Variants in RBFOX1 observed in about 807,000 individuals in gnomAD.
The protein encoded by RBFOX1 is RNA binding protein fox-1 homolog 1.
RBFOX1 carries 8 observed loss-of-function variants against 57.7 expected under a neutral mutation model. The observed-to-expected ratio is 0.14, with a 90% CI of 0.08 to 0.25. RBFOX1 has a LOEUF of 0.25. RBFOX1 is among the 10% of genes least tolerant of loss of function. The pLI is 1.00. For synonymous variants in RBFOX1, 326 were observed against 222.4 expected (o/e 1.47, Z -4.15); for missense variants, 611 against 548.5 (o/e 1.11, Z -1.14).
intron 4 of RBFOX1, among the ~76,000 whole-genome samples, chr16:7,067,248 G>T (rs550677621): frequency 9.9e-5 from 15 of 152,130 alleles, no homozygotes; most frequent in Admixed American, 4.6e-4. Context: ...TATTAGTTCA[G>T]AGTTGGTACT....
At chr16:6,032,391 A>G (rs936272440) in intron 1 of RBFOX1, among the ~76,000 whole-genome samples, 1 of 151,952 alleles carries the variant, frequency 6.6e-6, no homozygotes, top group Non-Finnish European at 1.5e-5. Context: ...AAAAAAATAT[A>G]CAATTATTCA....
intron 4 of RBFOX1, among the ~76,000 whole-genome samples, chr16:7,261,136 A>C (rs574788300): frequency 6.6e-6 from 1 of 150,662 alleles, no homozygotes; most frequent in African/African-American, 2.5e-5. Flanking sequence ...ACACATATCC[A>C]AAGAGCCAAC....
chr16:7,653,988 C>G, intron 12 of RBFOX1, 41 bp downstream of exon 12: 1 of 1,450,680 alleles, frequency 6.9e-7, no homozygotes, highest in Non-Finnish European at 9.0e-7. Context: ...CCTGCACCAG[C>G]CCTCCCTCCC....
At chr16:6,385,577 C>G (rs1222959584) in intron 2 of RBFOX1, among the ~76,000 whole-genome samples, 1 of 152,210 alleles carries the variant, frequency 6.6e-6, no homozygotes, top group South Asian at 2.1e-4. Context: ...CCAGGCTGGT[C>G]TCAAACTCCT....
chr16:7,036,423 C>T (rs2044443560), intron 3 of RBFOX1, among the ~76,000 whole-genome samples: 1 of 152,000 alleles, frequency 6.6e-6, no homozygotes, highest in Non-Finnish European at 1.5e-5. Context: ...AGAAAGAATT[C>T]AGGGCGGCCG....
chr16:6,431,557 C>T (rs1332859853), intron 2 of RBFOX1, among the ~76,000 whole-genome samples: 4 of 151,882 alleles, frequency 2.6e-5, no homozygotes, highest in Admixed American at 6.6e-5. Flanking sequence ...ACAGGGGCTC[C>T]GAGGGTGTAA....
In RBFOX1 at chr16:7,358,255, C is replaced by T. The variant is rs1341286615; in HGVS notation, c.28-159892C>T. Among the ~76,000 whole-genome samples the T allele has an allele frequency of 3.9e-5, 6 of 152,152 alleles. No individual in the cohort carries two copies. In the East Asian group the frequency reaches 9.6e-4, roughly 24 times the overall value. ...AAGTCAGCCTCTGCTGCAAATAAAC[C>T]GTGACAGAGAAAGAGGGTGGCCGTG... is the stretch of plus-strand genomic sequence containing the variant. On this transcript the variant is annotated intron_variant, in intron 4 of 15. Coordinates refer to ENST00000550418, the MANE Select transcript of RBFOX1 (RefSeq NM_018723.4).
chr16:7,050,795 C>CT (rs2049798303), intron 3 of RBFOX1, among the ~76,000 whole-genome samples: 1 of 151,720 alleles, frequency 6.6e-6, no homozygotes, highest in Admixed American at 6.6e-5. Context: ...TTTATAATTT[C>CT]TTTTTTCATA....
chr16:7,653,059 A>C (rs909018811), intron 11 of RBFOX1, among the ~76,000 whole-genome samples: 4 of 152,104 alleles, frequency 2.6e-5, no homozygotes, highest in African/African-American at 7.3e-5. Context: ...GCATATGTAC[A>C]TATATGTATA....
chr16:7,432,776 C>A lies in RBFOX1; in HGVS notation c.28-85371C>A, dbSNP rs2098692373. Among the ~76,000 whole-genome samples, 4 of 152,340 alleles carry A rather than the reference C, an allele frequency of 2.6e-5. No individual in the cohort carries two copies. The South Asian group carries it at 8.3e-4, about 32-fold the overall frequency. ...TGGCCTTTTCTGTGATGTGTGGAAT[C>A]TCCCCCAAGCATTCTGTTGATTCCT... On this transcript the variant is annotated intron_variant, in intron 4 of 15. Coordinates refer to ENST00000550418, the MANE Select transcript of RBFOX1 (RefSeq NM_018723.4).
At chr16:5,951,035 T>C (rs531586491) in intron 4 of RBFOX1, among the ~76,000 whole-genome samples, 1 of 152,258 alleles carries the variant, frequency 6.6e-6, no homozygotes, top group East Asian at 1.9e-4. Flanking sequence ...TGTAGACTAA[T>C]TACCAGGTAC....
chr16:7,572,401 G>C (rs941582525), intron 5 of RBFOX1, among the ~76,000 whole-genome samples: 1 of 152,184 alleles, frequency 6.6e-6, no homozygotes, highest in African/African-American at 2.4e-5. Context: ...GCAGTTTCAA[G>C]TGGTACAGTT....
At chr16:7,305,108 T>C (rs966528333) in intron 4 of RBFOX1, among the ~76,000 whole-genome samples, 5 of 151,632 alleles carry the variant, frequency 3.3e-5, no homozygotes, top group African/African-American at 1.2e-4. Flanking sequence ...TGTTGGCATG[T>C]GTTAGGGTGT....
At chr16:6,678,118 G>C (rs1405176561) in intron 3 of RBFOX1, among the ~76,000 whole-genome samples, 2 of 152,098 alleles carry the variant, frequency 1.3e-5, no homozygotes, top group Non-Finnish European at 2.9e-5. Flanking sequence ...TAAAAGTTTT[G>C]TTTTGTTTTG....
intron 3 of RBFOX1, among the ~76,000 whole-genome samples, chr16:5,789,318 G>C (rs897860390): frequency 1.3e-5 from 2 of 152,186 alleles, no homozygotes; most frequent in Non-Finnish European, 2.9e-5. Flanking sequence ...TGAAGGAGAG[G>C]CTGTGTGTGG....
intron 4 of RBFOX1, among the ~76,000 whole-genome samples, chr16:5,992,439 A>T (rs1596360233): frequency 6.6e-6 from 1 of 152,272 alleles, no homozygotes; most frequent in East Asian, 1.9e-4. Context: ...GTAGAATGAA[A>T]ATGCGTAAGA....
intron 3 of RBFOX1, among the ~76,000 whole-genome samples, chr16:7,022,833 G>T (rs1212777042): frequency 6.6e-6 from 1 of 152,164 alleles, no homozygotes; most frequent in African/African-American, 2.4e-5. Flanking sequence ...ATCCAAGGAA[G>T]CTGAGGGGCA....
At chr16:7,129,911 G>T (rs2069757666) in intron 4 of RBFOX1, among the ~76,000 whole-genome samples, 1 of 151,962 alleles carries the variant, frequency 6.6e-6, no homozygotes, top group South Asian at 2.1e-4. Flanking sequence ...TAGATGATAA[G>T]TGGAACCCTG....
chr16:7,031,427 C>G (rs908814281), intron 3 of RBFOX1, among the ~76,000 whole-genome samples: 2 of 152,032 alleles, frequency 1.3e-5, no homozygotes, highest in Non-Finnish European at 2.9e-5. Context: ...GAAACCCCGT[C>G]TCTACTAAAA....
Sources: allele counts gnomAD v4.1 joint callset (sites outside exome capture counted in the v4.1 genomes callset), GRCh38; gene constraint gnomAD v4.1.1; transcripts MANE v1.5; gene names NCBI Gene and HGNC (gene_info 2026-07-23, HGNC 2026-07-21).